The following SERPINB12 variants were observed in gnomAD, a reference collection of about 807,000 sequenced individuals.
The protein encoded by SERPINB12 is serpin family B member 12, also known as serpin B12.
SERPINB12 carries 57 observed loss-of-function variants against 41.1 expected under a neutral mutation model. The observed-to-expected ratio is 1.39, with a 90% CI of 1.12 to 1.73. The LOEUF (loss-of-function observed/expected upper bound fraction) is 1.73, where lower values mean the gene tolerates loss of function less well. SERPINB12 is among the 40% of genes most tolerant of loss of function. The probability of loss-of-function intolerance (pLI) is 0.00; values close to 1 mark genes in which losing one functional copy is unlikely to be tolerated. For missense variants in SERPINB12, 536 were observed against 501.9 expected, an observed-to-expected ratio of 1.07 and a Z score of -0.65; for synonymous variants, 180 against 181.3, an observed-to-expected ratio of 0.99 and a Z score of 0.06.
upstream of SERPINB12, among the ~76,000 whole-genome samples, chr18:63,539,931 A>C (rs1910241633): frequency 6.6e-6 from 1 of 152,144 alleles, no homozygotes; most frequent in African/African-American, 2.4e-5. Context: ...CACTGGAGAC[A>C]CTTAGTACGT....
intron 1 of SERPINB12, among the ~76,000 whole-genome samples, chr18:63,550,998 G>C (rs1910510516): frequency 1.3e-5 from 2 of 152,040 alleles, no homozygotes; most frequent in Non-Finnish European, 2.9e-5. Context: ...GGCCGGGCGC[G>C]GTGGTTCACG....
chr18:63,531,501 A>G, the SERPINB12 span, among the ~76,000 whole-genome samples: 18 of 152,144 alleles, frequency 1.2e-4, no homozygotes, highest in Non-Finnish European at 2.9e-5. Flanking sequence ...GGTTTGAGTT[A>G]CCCTATTTAG....
rs1471531349 is a variant in SERPINB12 at position 63,569,057 on chromosome 18, G to A, written c.*2046G>A. On this transcript the variant is annotated 3_prime_UTR_variant, in exon 8 of 8. Transcript: ENST00000382768. ...CTGACTTGGCACCACTGCCCGACAC[G>A]TAGCTGGAAACCATGACCTATATAT... is the stretch of plus-strand genomic sequence containing the variant. Among the ~76,000 whole-genome samples, 3 of 152,114 alleles carry A rather than the reference G, an allele frequency of 2.0e-5. No homozygotes were observed. Among genetic ancestry groups the A allele is most frequent in the Non-Finnish European group, 4.4e-5 (3 of 68,022 alleles).
At position 63,564,025 on chromosome 18, in the gene SERPINB12, G is replaced by A; in HGVS notation, c.610G>A (p.Val204Met). Reference sequence around the variant, plus strand: ...CAAGGACGCTATTAATGCTGAGACTGTGCTGGTACTGGTGAATGCTGTTTA... The same window carrying A: ...CAAGGACGCTATTAATGCTGAGACTATGCTGGTACTGGTGAATGCTGTTTA... ...FSKDAINAET[V>M]LVLVNAVYFK... is the part of the protein sequence containing the mutation. Residue 204 changes from valine to methionine, a missense_variant, in exon 6 of 8, where the codon GTG (valine) becomes ATG (methionine). By Grantham distance (21) the Val-to-Met change is conservative. Coordinates refer to ENST00000382768, the MANE Select transcript of SERPINB12 (RefSeq NM_001307928.2). The A allele has an allele frequency of 1.2e-6, 2 of 1,613,992 alleles. No individual in the cohort carries two copies. The highest frequency in any genetic ancestry group is 1.7e-6 in the Non-Finnish European group (2 of 1,179,952).
At chr18:63,544,435 T>A (rs1222909768) in intron 1 of SERPINB12, among the ~76,000 whole-genome samples, 2 of 152,218 alleles carry the variant, frequency 1.3e-5, no homozygotes, top group Admixed American at 1.3e-4. Flanking sequence ...GAAAACCATA[T>A]TATTATTCTT....
At chr18:63,556,117 CTT>C in intron 1 of SERPINB12, 23 bp from the exon 2 acceptor site, 1 of 1,541,052 alleles carries the variant, frequency 6.5e-7, no homozygotes, top group Non-Finnish European at 8.9e-7. Flanking sequence ...ACCATTTTCT[CTT>C]TCTCCTTTTT....
intron 1 of SERPINB12, among the ~76,000 whole-genome samples, chr18:63,551,759 A>G (rs1205819192): frequency 6.6e-6 from 1 of 152,230 alleles, no homozygotes; most frequent in African/African-American, 2.4e-5. Context: ...TTGGTATTGT[A>G]ATATTTAGAT....
intron 3 of SERPINB12, among the ~76,000 whole-genome samples, chr18:63,559,023 T>TTTC: frequency 1.5e-5 from 1 of 66,214 alleles, no homozygotes. Context: ...TCTTTCTTTC[T>TTTC]TTCTTTCTTT....
At chr18:63,541,284 A>G (rs1206375923), upstream of SERPINB12, among the ~76,000 whole-genome samples, 1 of 152,130 alleles carries the variant, frequency 6.6e-6, no homozygotes, top group Non-Finnish European at 1.5e-5. Context: ...ACAGCACCAT[A>G]GGGCTTTCTC....
chr18:63,544,395 C>T (rs1186074072), intron 1 of SERPINB12, among the ~76,000 whole-genome samples: 1 of 152,060 alleles, frequency 6.6e-6, no homozygotes, highest in Non-Finnish European at 1.5e-5. Flanking sequence ...ATATTAAAAA[C>T]GTGAATAGTT....
intron 2 of SERPINB12, among the ~76,000 whole-genome samples, chr18:63,556,924 C>T (rs542697354): frequency 4.6e-5 from 7 of 152,354 alleles, no homozygotes; most frequent in African/African-American, 1.7e-4. Flanking sequence ...GATGGGCTTT[C>T]CTGCTCTCAC....
In SERPINB12 at chr18:63,551,089, GA is replaced by G. The variant is rs1295898612; in HGVS notation, c.-18-5050del. Among the ~76,000 whole-genome samples, 972 of 152,034 alleles carry G rather than the reference GA, an allele frequency of 6.4e-3. 10 individuals are homozygous for G. Among genetic ancestry groups the G allele is most frequent in the African/African-American group, 0.022 (931 of 41,492 alleles). On this transcript the variant is annotated intron_variant, in intron 1 of 7. Transcript: ENST00000382768. ...TCGAGACTATCCTGCCTAACACGGT[GA>G]AACCCTGTCTCTACTAAAAATACAA...
At chr18:63,562,369 GA>G (rs934637531) in intron 5 of SERPINB12, among the ~76,000 whole-genome samples, 1 of 152,204 alleles carries the variant, frequency 6.6e-6, no homozygotes, top group African/African-American at 2.4e-5. Flanking sequence ...GAGTGCATGA[GA>G]GAGCACAGGT....
At chr18:63,542,884 CAT>C in intron 1 of SERPINB12, among the ~76,000 whole-genome samples, 1 of 152,262 alleles carries the variant, frequency 6.6e-6, no homozygotes, top group South Asian at 2.1e-4. Context: ...TAAGTTAGAA[CAT>C]GTGGTATTTG....
At chr18:63,543,359 C>T (rs17071273) in intron 1 of SERPINB12, among the ~76,000 whole-genome samples, 1,537 of 152,148 alleles carry the variant, frequency 0.01, 65 homozygotes, top group Admixed American at 0.08. Context: ...GAGAGACCCT[C>T]GTAGTGGAAT....
At chr18:63,539,917 G>A (rs1359190767), upstream of SERPINB12, among the ~76,000 whole-genome samples, 2 of 152,094 alleles carry the variant, frequency 1.3e-5, no homozygotes, top group Non-Finnish European at 2.9e-5. Flanking sequence ...TCATTGCTGG[G>A]TGCCACTGGA....
the SERPINB12 span, among the ~76,000 whole-genome samples, chr18:63,520,266 C>A: frequency 6.6e-6 from 1 of 152,078 alleles, no homozygotes; most frequent in African/African-American, 2.4e-5. Flanking sequence ...GTTACCAGGA[C>A]GGGACAATGG....
At chr18:63,556,403 A>G in intron 2 of SERPINB12, 76 bp downstream of exon 2, 2 of 1,401,246 alleles carry the variant, frequency 1.4e-6, no homozygotes, top group South Asian at 1.4e-5. Context: ...AATCCCACTT[A>G]GGCAAGCCAA....
chr18:63,520,173 C>A, the SERPINB12 span, among the ~76,000 whole-genome samples: 2 of 152,172 alleles, frequency 1.3e-5, no homozygotes, highest in African/African-American at 4.8e-5. Context: ...TTCGGTTGGG[C>A]CTACTCCCTA....
Sources: gnomAD v4.1 joint callset for allele counts (sites outside exome capture counted in the v4.1 genomes callset) on GRCh38, gnomAD v4.1.1 for gene constraint, MANE v1.5 for transcripts, NCBI Gene and HGNC (gene_info 2026-07-23, HGNC 2026-07-21) for gene names.